SARDH: variants seen among roughly 807,000 people sequenced by gnomAD.
SARDH encodes sarcosine dehydrogenase, mitochondrial.
SARDH carries 95 observed loss-of-function variants against 109.1 expected under a neutral mutation model. That is an observed-to-expected ratio of 0.87 (90% CI 0.74 to 1.03). The LOEUF (loss-of-function observed/expected upper bound fraction) is 1.03. Among genes scored for constraint, SARDH ranks in the 50% least tolerant of loss-of-function variants. The pLI is 0.00. For missense variants in SARDH, 1,267 were observed against 1,287.8 expected, an observed-to-expected ratio of 0.98 and a Z score of 0.25; for synonymous variants, 572 against 534.8, an observed-to-expected ratio of 1.07 and a Z score of -0.96.
chr9:133,664,807 CCA>C (rs1353479970), intron 20 of SARDH, among the ~76,000 whole-genome samples: 1 of 152,192 alleles, frequency 6.6e-6, no homozygotes, highest in African/African-American at 2.4e-5. Context: ...TGCTTCTGAG[CCA>C]TGTGTGCACC....
At chr9:133,689,449 G>A (rs753130022) in intron 16 of SARDH, among the ~76,000 whole-genome samples, 2 of 152,036 alleles carry the variant, frequency 1.3e-5, no homozygotes, top group African/African-American at 2.4e-5. Flanking sequence ...AGACTAGGCC[G>A]TTTTCTCACA....
Position 133,696,323 on chromosome 9 carries a change from A to G in SARDH, c.1707T>C (p.Ala569=), listed in dbSNP as rs761100199. 26 of 1,614,038 alleles carry G rather than the reference A, an allele frequency of 1.6e-5. No homozygotes were observed. The African/African-American group carries it at 3.5e-4, about 22-fold the overall frequency. Residue 569 remains alanine, a synonymous_variant, in exon 14 of 21, where the codon GCT becomes GCC. Transcript: ENST00000439388. ...TCCCGAAGTAGGACATGTCAAACAC[A>G]GCGGCGGCCCCTCTGCAGGCCAGGC... ...KECLACRGAA[A]VFDMSYFGKF... is the part of the protein sequence containing the mutation.
chr9:133,660,580 G>C (rs1318351390), downstream of SARDH, among the ~76,000 whole-genome samples: 1 of 152,240 alleles, frequency 6.6e-6, no homozygotes. Flanking sequence ...CAGCAGCCCA[G>C]GTTGCTATTC....
At position 133,666,584 on chromosome 9, in the gene SARDH, T is replaced by C; in HGVS notation, c.2631+151A>G. On this transcript the variant is annotated intron_variant, in intron 20 of 20. Transcript: ENST00000439388. The surrounding 1 kb of genome is among the most constrained non-coding windows in gnomAD (Gnocchi z 5.2). Reference sequence around the variant, plus strand: ...CTCCTTCCTTCCTCCCCCTCTTCCCTCCTCCCTCCTTTCTCTTCCCTCCTC... The same window carrying C: ...CTCCTTCCTTCCTCCCCCTCTTCCCCCCTCCCTCCTTTCTCTTCCCTCCTC... 1.3e-6 allele frequency: 1 copy of C among 768,804 alleles called. No individual in the cohort carries two copies. The highest frequency in any genetic ancestry group is 1.8e-6 in the Non-Finnish European group (1 of 552,674). 47.6% of individuals were successfully genotyped at this position (768,804 alleles called of 1,614,324 possible). A position where few individuals can be genotyped will look rare whatever the true frequency, so the allele number is the denominator to read the frequency against.
At chr9:133,664,232 G>A (rs567902056) in intron 20 of SARDH, among the ~76,000 whole-genome samples, 155 of 152,316 alleles carry the variant, frequency 1.0e-3, no homozygotes, top group African/African-American at 3.6e-3. Context: ...TCTGGGGTCC[G>A]GCAAAGCCAA....
chr9:133,687,813 C>A (rs192872999), intron 16 of SARDH, among the ~76,000 whole-genome samples: 3 of 152,166 alleles, frequency 2.0e-5, no homozygotes, highest in African/African-American at 7.2e-5. Flanking sequence ...GAAAGTGCAG[C>A]CTTTATCAGC....
intron 19 of SARDH, among the ~76,000 whole-genome samples, chr9:133,669,241 A>C (rs559698995): frequency 5.0e-3 from 1 of 200 alleles, no homozygotes; most frequent in African/African-American, 0.062. Flanking sequence ...CCTCTCCCTC[A>C]CCCTCCCTCT....
chr9:133,733,971 T>C lies in SARDH; in HGVS notation c.203A>G (p.Asn68Ser). 1 of 1,611,780 alleles carries C rather than the reference T, an allele frequency of 6.2e-7. No individual in the cohort carries two copies. Residue 68 changes from asparagine to serine, a missense_variant, in exon 2 of 21, where the codon AAC (asparagine) becomes AGC (serine). Coordinates refer to ENST00000439388, the MANE Select transcript of SARDH (RefSeq NM_001134707.2). ...GCTGCCTCCACCAATGACCACCACGTTGGCCGTGCTGGGCAGGGGCCGGCT... is the reference window on the plus strand; with the variant it reads ...GCTGCCTCCACCAATGACCACCACGCTGGCCGTGCTGGGCAGGGGCCGGCT... ...GPSRPLPSTA[N>S]VVVIGGGSLG...
chr9:133,696,213 G>A lies in SARDH; in HGVS notation c.1807+10C>T. 1 of 1,613,476 alleles carries A rather than the reference G, an allele frequency of 6.2e-7. No homozygotes were observed. Among genetic ancestry groups the A allele is most frequent in the South Asian group, 1.1e-5 (1 of 91,082 alleles). Reference sequence around the variant, plus strand: ...GACAGGAACATGCCCCCCAACCTCAGGCTCCATACCTGGGGGTCGGCTGAC... The same window carrying A: ...GACAGGAACATGCCCCCCAACCTCAAGCTCCATACCTGGGGGTCGGCTGAC... On this transcript the variant is annotated intron_variant, in intron 14 of 20. Coordinates refer to ENST00000439388, the MANE Select transcript of SARDH (RefSeq NM_001134707.2).
At chr9:133,723,232 C>A (rs1029097268) in intron 6 of SARDH, among the ~76,000 whole-genome samples, 3 of 152,212 alleles carry the variant, frequency 2.0e-5, no homozygotes, top group African/African-American at 7.2e-5. Context: ...AGCTTCAACA[C>A]AATGCCTGTC....
At position 133,666,411 on chromosome 9, in the gene SARDH, C is replaced by A. The variant is rs1055971839; in HGVS notation, c.2631+324G>T. Among the ~76,000 whole-genome samples the A allele has an allele frequency of 2.6e-5, 4 of 152,194 alleles. No individual in the cohort carries two copies. Reference sequence around the variant, plus strand: ...AAGTCGGATTCTTCCAGAAAGAAAACAGAGAGCAGCTTTGGCTCTGCCCAG... The same window carrying A: ...AAGTCGGATTCTTCCAGAAAGAAAAAAGAGAGCAGCTTTGGCTCTGCCCAG... On this transcript the variant is annotated intron_variant, in intron 20 of 20. Transcript: ENST00000439388. This position sits in a 1 kb window ranked among gnomAD's most constrained non-coding sequence, Gnocchi z 5.2.
rs956381530 is a variant in SARDH, at chr9:133,693,993, T to C, written c.1921+265A>G. On this transcript the variant is annotated intron_variant, in intron 15 of 20. Transcript: ENST00000439388. The surrounding 1 kb of genome is among the most constrained non-coding windows in gnomAD (Gnocchi z 5.6). ...GAAACCGAGCCGAGCACGCCCACAC[T>C]GCAGCCACTCCGAACCGCAACAGCG... 1.3e-5 allele frequency among the ~76,000 whole-genome samples: 2 copies of C among 152,224 alleles called. No homozygotes were observed. The highest frequency in any genetic ancestry group is 2.9e-5 in the Non-Finnish European group (2 of 68,034).
Position 133,704,961 on chromosome 9 carries a change from C to A in SARDH, c.1541G>T (p.Arg514Leu). ...GGCACTACTCACCGGAGCTGGGCCTCGGGGATGAAACCATCCCGGTCGCTC... is the reference window on the plus strand; with the variant it reads ...GGCACTACTCACCGGAGCTGGGCCTAGGGGATGAAACCATCCCGGTCGCTC... ...GWERPGWFHP[R>L]GPAPVLEYDY... The change falls in exon 12 of 21, where the codon CGA (arginine) becomes CTA (leucine). Residue 514 changes from arginine (R) to leucine (L), a missense_variant. Physicochemically the swap from Arg to Leu is moderately radical, Grantham distance 102 (BLOSUM62 -2). Coordinates refer to ENST00000439388, the MANE Select transcript of SARDH (RefSeq NM_001134707.2). This position sits in a 1 kb window ranked among gnomAD's most constrained non-coding sequence, Gnocchi z 4.5. 2 of 1,579,034 alleles carry A rather than the reference C, an allele frequency of 1.3e-6. No homozygotes were observed. Among genetic ancestry groups the A allele is most frequent in the East Asian group, 2.3e-5 (1 of 43,570 alleles).
In SARDH at chr9:133,685,405, A is replaced by C. The variant is rs1830851046; in HGVS notation, c.2070-119T>G. ...TCCCTGTCCTCATGAGACAGATGACAATAAACATGGATTAATAAAAATACA... is the reference window on the plus strand; with the variant it reads ...TCCCTGTCCTCATGAGACAGATGACCATAAACATGGATTAATAAAAATACA... On this transcript the variant is annotated intron_variant, in intron 16 of 20. Transcript: ENST00000439388. The C allele has an allele frequency of 5.9e-6, 4 of 675,946 alleles. No homozygotes were observed. In the South Asian group the frequency reaches 7.7e-5, roughly 13 times the overall value. 41.9% of individuals were successfully genotyped at this position (675,946 alleles called of 1,614,324 possible).
At chr9:133,735,657 G>C (rs1389719228) in intron 1 of SARDH, among the ~76,000 whole-genome samples, 1 of 152,186 alleles carries the variant, frequency 6.6e-6, no homozygotes, top group Non-Finnish European at 1.5e-5. Flanking sequence ...CTTTCCCCTG[G>C]AGAGGGCATG....
rs1830845740 is a variant in SARDH at position 133,685,281 on chromosome 9, G to A, written c.2075C>T (p.Ala692Val). 2 of 1,613,526 alleles carry A rather than the reference G, an allele frequency of 1.2e-6. No individual in the cohort carries two copies. Among genetic ancestry groups the A allele is most frequent in the Non-Finnish European group, 1.7e-6 (2 of 1,179,864 alleles). ...MISIQGPASRAILQEVLDADL... is the reference protein window; with the variant it reads ...MISIQGPASRVILQEVLDADL... ...TGCGTCCAGCACCTCCTGCAAAATG[G>A]CTCGGCTGCAGGCAAGAGCAAAGTC... The change falls in exon 17 of 21, where the codon GCC becomes GTC. Residue 692 changes from alanine (A) to valine (V), a missense_variant. Coordinates refer to ENST00000439388, the MANE Select transcript of SARDH (RefSeq NM_001134707.2).
At chr9:133,669,517 C>T (rs1830260148) in intron 19 of SARDH, among the ~76,000 whole-genome samples, 1 of 151,582 alleles carries the variant, frequency 6.6e-6, no homozygotes. Flanking sequence ...CTGATCAGGG[C>T]CTGATCTTCT....
Position 133,702,965 on chromosome 9 carries a change from C to T in SARDH, c.1619G>A (p.Arg540Lys), listed in dbSNP as rs777086433. The T allele has an allele frequency of 4.3e-6, 7 of 1,613,320 alleles. No homozygotes were observed. Among genetic ancestry groups the T allele is most frequent in the South Asian group, 1.1e-5 (1 of 91,074 alleles). ...SRAHEDYAYR[R>K]LLADEYTFAF... Reference sequence around the variant, plus strand: ...GAAGGTGTACTCGTCTGCCAGCAGCCTGCGGTAGGCGTAGTCCTCGTGCGC... The same window carrying T: ...GAAGGTGTACTCGTCTGCCAGCAGCTTGCGGTAGGCGTAGTCCTCGTGCGC... Residue 540 changes from arginine to lysine, a missense_variant, in exon 13 of 21, where the codon AGG (arginine) becomes AAG (lysine). Coordinates refer to ENST00000439388, the MANE Select transcript of SARDH (RefSeq NM_001134707.2).
chr9:133,687,163 C>T (rs1830914991), intron 16 of SARDH, among the ~76,000 whole-genome samples: 1 of 152,236 alleles, frequency 6.6e-6, no homozygotes. Flanking sequence ...GAGGAACCAG[C>T]AAGAAAGCAC....
Sources: gnomAD v4.1 joint callset for allele counts (sites outside exome capture counted in the v4.1 genomes callset) on GRCh38, gnomAD v4.1.1 for gene constraint, Gnocchi (gnomAD v3.1) non-coding constraint, MANE v1.5 for transcripts, NCBI Gene and HGNC (gene_info 2026-07-23, HGNC 2026-07-21) for gene names.